Variants in BMP5 observed in about 807,000 individuals in gnomAD.
BMP5 encodes bone morphogenetic protein 5.
In BMP5, 23 loss-of-function variants were observed where a neutral mutation model predicts 46.6. The ratio of observed to expected loss-of-function variants is 0.49; its 90% CI spans 0.35 to 0.70. The LOEUF (loss-of-function observed/expected upper bound fraction) is 0.70. BMP5 is among the 30% of genes least tolerant of loss of function. The pLI is 0.00. For synonymous variants in BMP5, 204 were observed against 191.9 expected (o/e 1.06, Z -0.52); for missense variants, 545 against 565.6 (o/e 0.96, Z 0.37).
At chr6:55,797,742 G>T (rs1030631677) in intron 2 of BMP5, among the ~76,000 whole-genome samples, 1 of 149,780 alleles carries the variant, frequency 6.7e-6, no homozygotes, top group East Asian at 2.0e-4. Flanking sequence ...TCAGCCTCCC[G>T]AGTAGCTGGG....
chr6:55,841,850 G>A (rs79962528), intron 1 of BMP5, among the ~76,000 whole-genome samples: 2,259 of 151,510 alleles, frequency 0.015, 56 homozygotes, highest in African/African-American at 0.05. Flanking sequence ...TGAAGTACTG[G>A]GAGTTACAGC....
intron 1 of BMP5, among the ~76,000 whole-genome samples, chr6:55,871,533 T>C (rs1175690538): frequency 6.6e-6 from 1 of 151,928 alleles, no homozygotes; most frequent in Non-Finnish European, 1.5e-5. Flanking sequence ...TATTTACTTT[T>C]TATTTTGCTT....
intron 3 of BMP5, among the ~76,000 whole-genome samples, chr6:55,776,618 A>C (rs1339786817): frequency 1.3e-5 from 2 of 151,966 alleles, no homozygotes; most frequent in Admixed American, 1.3e-4. Flanking sequence ...ACAGGAGCTA[A>C]ATTTTAACTT....
intron 3 of BMP5, among the ~76,000 whole-genome samples, chr6:55,780,957 G>C (rs970095622): frequency 6.6e-6 from 1 of 152,092 alleles, no homozygotes; most frequent in Non-Finnish European, 1.5e-5. Flanking sequence ...TCTGAAATGA[G>C]GGGCTTGCTG....
chr6:55,754,132 A>C lies in BMP5; in HGVS notation c.*1401T>G, dbSNP rs184919410. 1 of 152,118 alleles carries C rather than the reference A, an allele frequency of 6.6e-6. No homozygotes were observed. Among genetic ancestry groups the C allele is most frequent in the East Asian group, 1.9e-4 (1 of 5,146 alleles). 9.4% of individuals were successfully genotyped at this position (152,118 alleles called of 1,614,324 possible). A position where few individuals can be genotyped will look rare whatever the true frequency, so the allele number is the denominator to read the frequency against. On this transcript the variant is annotated 3_prime_UTR_variant, in exon 7 of 7. Coordinates refer to ENST00000370830, the MANE Select transcript of BMP5 (RefSeq NM_021073.4). Reference sequence around the variant, plus strand: ...GAAAGATCCAAAAGGATGATTAATAAATGGTGCTTTATGAATACTTTAGAT... The same window carrying C: ...GAAAGATCCAAAAGGATGATTAATACATGGTGCTTTATGAATACTTTAGAT...
chr6:55,853,195 AATAAAATAAAATAAAATAAAAT>A (rs1777295322), intron 1 of BMP5, among the ~76,000 whole-genome samples: 4 of 130,004 alleles, frequency 3.1e-5, no homozygotes, highest in Admixed American at 2.4e-4. Flanking sequence ...AATAAAATAA[AATAAAATAAAATAAAATAAAAT>A]AAGATAAAAT....
At chr6:55,779,995 G>C (rs1213992339) in intron 3 of BMP5, among the ~76,000 whole-genome samples, 1 of 151,712 alleles carries the variant, frequency 6.6e-6, no homozygotes, top group Non-Finnish European at 1.5e-5. Context: ...AGTAATTCTG[G>C]GGTTCTGTTT....
chr6:55,850,774 A>G (rs1056375797), intron 1 of BMP5, among the ~76,000 whole-genome samples: 3 of 152,168 alleles, frequency 2.0e-5, no homozygotes, highest in Admixed American at 1.3e-4. Context: ...CAGGCTGTTT[A>G]GCATAGTGAT....
chr6:55,872,878 C>T (rs933086144), intron 1 of BMP5, among the ~76,000 whole-genome samples: 3 of 151,688 alleles, frequency 2.0e-5, no homozygotes, highest in African/African-American at 4.8e-5. Flanking sequence ...GCAAAATGTA[C>T]CACAAGCTAC....
At chr6:55,820,146 A>G (rs1776373315) in intron 1 of BMP5, among the ~76,000 whole-genome samples, 2 of 152,166 alleles carry the variant, frequency 1.3e-5, no homozygotes, top group Non-Finnish European at 2.9e-5. Flanking sequence ...ACTACTATGT[A>G]TCAAGTATCA....
intron 2 of BMP5, among the ~76,000 whole-genome samples, chr6:55,817,675 C>A (rs1776309606): frequency 6.6e-6 from 1 of 152,010 alleles, no homozygotes; most frequent in African/African-American, 2.4e-5. Flanking sequence ...GGGTGCAGCA[C>A]ACCAACATGG....
chr6:55,783,706 T>A (rs574559458), intron 3 of BMP5, among the ~76,000 whole-genome samples: 24 of 152,120 alleles, frequency 1.6e-4, no homozygotes, highest in African/African-American at 4.1e-4. Context: ...TGAAAATATT[T>A]ACCCCACAGA....
chr6:55,773,999 T>G, intron 4 of BMP5, 50 bp downstream of exon 4: 1 of 1,586,780 alleles, frequency 6.3e-7, no homozygotes, highest in Non-Finnish European at 8.6e-7. Context: ...ATTTGCAGCA[T>G]ACGACCCCAT....
intron 1 of BMP5, among the ~76,000 whole-genome samples, chr6:55,831,055 G>A (rs1378142228): frequency 6.6e-6 from 1 of 152,010 alleles, no homozygotes; most frequent in East Asian, 1.9e-4. Flanking sequence ...CAAGACAGAG[G>A]AACTAGACAA....
intron 6 of BMP5, 125 bp downstream of exon 6, chr6:55,758,880 G>A (rs1774681179): frequency 3.9e-6 from 3 of 764,006 alleles, no homozygotes; most frequent in Admixed American, 4.0e-5. Flanking sequence ...GCTCTAAAAA[G>A]AAACAAATGA....
chr6:55,850,972 G>A (rs933138246), intron 1 of BMP5, among the ~76,000 whole-genome samples: 1 of 149,676 alleles, frequency 6.7e-6, no homozygotes, highest in Non-Finnish European at 1.5e-5. Context: ...GCAGTTGAAT[G>A]GTAAAAGATA....
intron 1 of BMP5, among the ~76,000 whole-genome samples, chr6:55,867,314 G>A (rs1340741712): frequency 3.3e-5 from 5 of 152,024 alleles, no homozygotes; most frequent in African/African-American, 1.2e-4. Flanking sequence ...GAGCTTTCTG[G>A]TAACTATGCC....
intron 1 of BMP5, among the ~76,000 whole-genome samples, chr6:55,873,466 C>T (rs1777831403): frequency 6.6e-6 from 1 of 151,736 alleles, no homozygotes; most frequent in Non-Finnish European, 1.5e-5. Flanking sequence ...TTTACTAAAA[C>T]ATTTAAAGAA....
intron 2 of BMP5, among the ~76,000 whole-genome samples, chr6:55,804,873 C>A (rs190176161): frequency 8.8e-4 from 134 of 152,180 alleles, no homozygotes; most frequent in Non-Finnish European, 1.5e-3. Context: ...TTATAGGATG[C>A]ATTTAAGTTT....
Sources: allele counts gnomAD v4.1 joint callset (sites outside exome capture counted in the v4.1 genomes callset), GRCh38; gene constraint gnomAD v4.1.1; transcripts MANE v1.5; gene names NCBI Gene and HGNC (gene_info 2026-07-23, HGNC 2026-07-21).